SUFU: variants seen among roughly 807,000 people sequenced by gnomAD.
The protein encoded by SUFU is suppressor of fused homolog.
SUFU carries 7 observed loss-of-function variants against 58.9 expected under a neutral mutation model. The ratio of observed to expected loss-of-function variants is 0.12; its 90% CI spans 0.07 to 0.22. The LOEUF (loss-of-function observed/expected upper bound fraction) is 0.22, where lower values mean the gene tolerates loss of function less well. Ranked by LOEUF, SUFU falls within the 10% of genes least tolerant of loss-of-function variation. The probability of loss-of-function intolerance (pLI) is 1.00; values close to 1 mark genes in which losing one functional copy is unlikely to be tolerated. For synonymous variants in SUFU, 232 were observed against 254.8 expected, an observed-to-expected ratio of 0.91 and a Z score of 0.85; for missense variants, 451 against 641.3, an observed-to-expected ratio of 0.70 and a Z score of 3.20.
At chr10:102,575,725 C>G (rs962408779) in intron 3 of SUFU, among the ~76,000 whole-genome samples, 1 of 152,218 alleles carries the variant, frequency 6.6e-6, no homozygotes, top group Non-Finnish European at 1.5e-5. Context: ...ATTAGTGCCA[C>G]TGCATTTGGA....
chr10:102,576,113 T>C (rs911823695), intron 3 of SUFU, among the ~76,000 whole-genome samples: 1 of 151,930 alleles, frequency 6.6e-6, no homozygotes. Flanking sequence ...CCCAAAGTGC[T>C]GGGATTACAG....
chr10:102,591,805 G>A (rs1449570755), intron 3 of SUFU, among the ~76,000 whole-genome samples: 1 of 152,110 alleles, frequency 6.6e-6, no homozygotes, highest in Non-Finnish European at 1.5e-5. Flanking sequence ...GTACCCTGTG[G>A]GGTTGTTTTC....
intron 1 of SUFU, among the ~76,000 whole-genome samples, chr10:102,508,671 C>T (rs1186777793): frequency 6.6e-6 from 1 of 152,166 alleles, no homozygotes; most frequent in Non-Finnish European, 1.5e-5. Context: ...TAACATAGGG[C>T]ACAATATAGT....
At chr10:102,578,615 G>A (rs2063239818) in intron 3 of SUFU, among the ~76,000 whole-genome samples, 2 of 151,830 alleles carry the variant, frequency 1.3e-5, no homozygotes, top group African/African-American at 4.8e-5. Flanking sequence ...GGCTGAGGCA[G>A]GAGAACTGCT....
chr10:102,564,522 G>A (rs949618453), intron 3 of SUFU, among the ~76,000 whole-genome samples: 2 of 152,138 alleles, frequency 1.3e-5, no homozygotes, highest in Non-Finnish European at 2.9e-5. Flanking sequence ...TAGTAGAGAT[G>A]AGGTTTCGCC....
intron 3 of SUFU, among the ~76,000 whole-genome samples, chr10:102,568,939 T>C (rs79443865): frequency 0.066 from 2,805 of 42,468 alleles, 151 homozygotes; most frequent in African/African-American, 0.092. Context: ...TATATATATA[T>C]ATATATATAT....
At chr10:102,578,247 G>A (rs1247589631) in intron 3 of SUFU, among the ~76,000 whole-genome samples, 2 of 149,844 alleles carry the variant, frequency 1.3e-5, no homozygotes, top group African/African-American at 4.9e-5. Context: ...GCGAGACTCC[G>A]TCTCAAAAAA....
intron 8 of SUFU, among the ~76,000 whole-genome samples, chr10:102,601,945 C>T (rs1026884946): frequency 1.3e-5 from 2 of 152,134 alleles, no homozygotes; most frequent in African/African-American, 4.8e-5. Flanking sequence ...TGGGTCTTCG[C>T]GGGTTTGTCT....
intron 3 of SUFU, among the ~76,000 whole-genome samples, chr10:102,587,094 A>G (rs1354409682): frequency 1.3e-5 from 2 of 152,196 alleles, no homozygotes; most frequent in African/African-American, 2.4e-5. Context: ...TTGTTAATCC[A>G]TTCATCTCTT....
intron 2 of SUFU, among the ~76,000 whole-genome samples, chr10:102,518,519 G>GTCTATCTGTCTATCTA (rs1554842628): frequency 2.7e-5 from 4 of 147,114 alleles, no homozygotes; most frequent in African/African-American, 1.0e-4. Context: ...CTGTCTGTCT[G>GTCTATCTGTCTATCTA]TCTATCTATC....
chr10:102,577,331 G>A (rs2063222948), intron 3 of SUFU, among the ~76,000 whole-genome samples: 1 of 151,754 alleles, frequency 6.6e-6, no homozygotes, highest in South Asian at 2.1e-4. Flanking sequence ...AGGATTTCCT[G>A]GGATTTTTTT....
At chr10:102,607,444 A>G (rs1037884718) in intron 8 of SUFU, among the ~76,000 whole-genome samples, 2 of 152,248 alleles carry the variant, frequency 1.3e-5, no homozygotes, top group Non-Finnish European at 2.9e-5. Flanking sequence ...CAGAAAGGAA[A>G]AGTATATTAA....
intron 3 of SUFU, among the ~76,000 whole-genome samples, chr10:102,565,380 T>G (rs1379790777): frequency 2.0e-5 from 3 of 152,136 alleles, no homozygotes; most frequent in African/African-American, 7.2e-5. Flanking sequence ...CTGTGGCCTG[T>G]GGTAGAGGAA....
intron 3 of SUFU, among the ~76,000 whole-genome samples, chr10:102,574,830 G>A (rs2063197207): frequency 6.6e-6 from 1 of 152,142 alleles, no homozygotes; most frequent in South Asian, 2.1e-4. Context: ...GCCAAGGCAG[G>A]CGGATCATGA....
chr10:102,625,921 T>C lies in SUFU; in HGVS notation c.1297-1254T>C, dbSNP rs928214739. Among the ~76,000 whole-genome samples the C allele has an allele frequency of 6.6e-6, 1 of 152,224 alleles. No individual in the cohort carries two copies. Among genetic ancestry groups the C allele is most frequent in the Non-Finnish European group, 1.5e-5 (1 of 68,034 alleles). ...ACTTTTGTTCTTGGCAGCTGACAAT[T>C]CCCAGGGGAAACCTGGTGGGTATTT... On this transcript the variant is annotated intron_variant, in intron 10 of 11. Coordinates refer to ENST00000369902, the MANE Select transcript of SUFU (RefSeq NM_016169.4). This position sits in a 1 kb window ranked among gnomAD's most constrained non-coding sequence, Gnocchi z 4.7.
chr10:102,557,822 A>G (rs551149803), intron 3 of SUFU, among the ~76,000 whole-genome samples: 1 of 151,628 alleles, frequency 6.6e-6, no homozygotes, highest in African/African-American at 2.4e-5. Flanking sequence ...CATCATTCCT[A>G]GTTTCAGTTT....
At chr10:102,525,944 A>G (rs565918389) in intron 2 of SUFU, among the ~76,000 whole-genome samples, 2 of 152,338 alleles carry the variant, frequency 1.3e-5, no homozygotes, top group South Asian at 2.1e-4. Flanking sequence ...AAAATTTTAT[A>G]TAGTTTTAGA....
intron 2 of SUFU, among the ~76,000 whole-genome samples, chr10:102,538,363 A>C (rs1372890151): frequency 1.3e-5 from 2 of 151,460 alleles, no homozygotes; most frequent in Non-Finnish European, 2.9e-5. Context: ...TTTTTTTCCA[A>C]ATGTAAGATT....
intron 2 of SUFU, among the ~76,000 whole-genome samples, chr10:102,533,428 G>A (rs1259639265): frequency 2.6e-5 from 4 of 151,260 alleles, no homozygotes; most frequent in Non-Finnish European, 5.9e-5. Context: ...AAAAAAATTA[G>A]CCAAGCATGG....
Sources: allele counts gnomAD v4.1 joint callset (sites outside exome capture counted in the v4.1 genomes callset), GRCh38; gene constraint gnomAD v4.1.1; non-coding constraint Gnocchi (gnomAD v3.1); transcripts MANE v1.5; gene names NCBI Gene and HGNC (gene_info 2026-07-23, HGNC 2026-07-21).